STS: variants seen among roughly 807,000 people sequenced by gnomAD.
STS encodes steryl-sulfatase.
A neutral mutation model predicts 26.8 loss-of-function variants in STS; 7 were observed. That is an observed-to-expected ratio of 0.26 (90% CI 0.15 to 0.49). The LOEUF (loss-of-function observed/expected upper bound fraction) is 0.49. Among genes scored for constraint, STS ranks in the 20% least tolerant of loss-of-function variants. The probability of loss-of-function intolerance (pLI) is 0.98; values close to 1 mark genes in which losing one functional copy is unlikely to be tolerated. For missense variants in STS, 434 were observed against 465.6 expected (o/e 0.93, Z 0.63); for synonymous variants, 199 against 189.4 (o/e 1.05, Z -0.42).
At chrX:7,268,881 G>A (rs183170847) in intron 6 of STS, among the ~76,000 whole-genome samples, 7 of 110,236 alleles carry the variant, frequency 6.4e-5, no homozygotes, top group Non-Finnish European at 1.1e-4. Flanking sequence ...GGGCATGGTG[G>A]TGTGTGCCTG....
intron 2 of STS, among the ~76,000 whole-genome samples, chrX:7,194,277 G>A (rs1601642113): frequency 9.0e-6 from 1 of 111,033 alleles, no homozygotes; most frequent in Non-Finnish European, 1.9e-5. Context: ...CTGCATGGGG[G>A]TCACTGGTCC....
At chrX:7,330,904 T>C (rs1382495405) in intron 9 of STS, among the ~76,000 whole-genome samples, 1 of 112,447 alleles carries the variant, frequency 8.9e-6, no homozygotes, top group Admixed American at 9.4e-5. Context: ...TACAGATATA[T>C]GTACTTTCTC....
chrX:7,254,468 A>G (rs1363756709), intron 3 of STS, among the ~76,000 whole-genome samples: 1 of 111,027 alleles, frequency 9.0e-6, no homozygotes, highest in African/African-American at 3.3e-5. Context: ...AAATAGTTCT[A>G]TGGAGAGCTT....
intron 2 of STS, among the ~76,000 whole-genome samples, chrX:7,200,464 T>C (rs1463911469): frequency 2.7e-5 from 3 of 111,624 alleles, no homozygotes; most frequent in Non-Finnish European, 3.8e-5. Context: ...ATGTTCTCAT[T>C]TTGGGAGATA....
intron 6 of STS, among the ~76,000 whole-genome samples, chrX:7,260,083 G>C (rs1329566355): frequency 8.9e-5 from 10 of 111,880 alleles, no homozygotes. Context: ...CACCGTGTTA[G>C]CCAGGATGGT....
rs746978993 is a variant in STS at position 7,350,287 on chromosome X, A to G, written c.*26A>G. 8 of 1,197,821 alleles carry G rather than the reference A, an allele frequency of 6.7e-6. No individual in the cohort carries two copies. The highest frequency in any genetic ancestry group is 9.0e-6 in the Non-Finnish European group (8 of 889,478). ...CAGCGCCTGGGGACCAGACAGACGC[A>G]TGTGGCAAAGCTCACCATCTTCACT... On this transcript the variant is annotated 3_prime_UTR_variant, in exon 11 of 11. Coordinates refer to ENST00000674429, the MANE Select transcript of STS (RefSeq NM_001320752.2).
intron 9 of STS, among the ~76,000 whole-genome samples, chrX:7,331,328 G>A (rs1350993479): frequency 1.8e-5 from 2 of 110,919 alleles, no homozygotes; most frequent in African/African-American, 3.3e-5. Flanking sequence ...TGTTAATAGC[G>A]CTACCATCAT....
chrX:7,254,746 G>C (rs1432605721), intron 3 of STS, among the ~76,000 whole-genome samples: 1 of 108,912 alleles, frequency 9.2e-6, no homozygotes, highest in Non-Finnish European at 1.9e-5. Flanking sequence ...ACCATGCCTG[G>C]CTAATTTTTT....
intron 8 of STS, 75 bp from the exon 9 acceptor site, chrX:7,325,264 A>T: frequency 9.1e-7 from 1 of 1,100,034 alleles, no homozygotes. Context: ...ATTGAGCACG[A>T]AAGAGTCCAT....
chrX:7,315,842 A>T (rs1163132435), intron 8 of STS, among the ~76,000 whole-genome samples: 3 of 111,464 alleles, frequency 2.7e-5, no homozygotes, highest in Admixed American at 1.9e-4. Context: ...ACCCAGATTG[A>T]GGGTGGGTCT....
intron 6 of STS, among the ~76,000 whole-genome samples, chrX:7,268,581 A>G (rs1181762730): frequency 1.8e-5 from 2 of 112,686 alleles, no homozygotes; most frequent in African/African-American, 3.2e-5. Context: ...AGAGCAATAT[A>G]CAGGGACACA....
chrX:7,283,108 C>G, intron 7 of STS, among the ~76,000 whole-genome samples: 1 of 112,187 alleles, frequency 8.9e-6, no homozygotes, highest in Non-Finnish European at 1.9e-5. Flanking sequence ...TTGTATTTCC[C>G]TTGGGGTGTA....
intron 7 of STS, among the ~76,000 whole-genome samples, chrX:7,288,962 C>G (rs747137361): frequency 9.0e-6 from 1 of 111,443 alleles, no homozygotes; most frequent in African/African-American, 3.3e-5. Flanking sequence ...GCTAGATCCA[C>G]CCTTGAGTGG....
chrX:7,334,089 C>T lies in STS; in HGVS notation c.1345C>T (p.Arg449Cys). 3.3e-6 allele frequency: 4 copies of T among 1,211,349 alleles called. No homozygotes were observed. The highest frequency in any genetic ancestry group is 4.5e-6 in the Non-Finnish European group (4 of 895,289). ...HYCNAYLNAVRWHPQNSTSIW... is the reference protein window; with the variant it reads ...HYCNAYLNAVCWHPQNSTSIW... ...CTGCAACGCCTACTTAAATGCTGTG[C>T]GCTGGCACCCTCAGAACAGTGAGTA... is the stretch of plus-strand genomic sequence containing the variant. Residue 449 changes from arginine to cysteine, a missense_variant, in exon 10 of 11, where the codon CGC becomes TGC. Arg to Cys is a radical substitution (Grantham distance 180). Transcript: ENST00000674429.
chrX:7,238,296 T>G (rs1166164418), intron 2 of STS, among the ~76,000 whole-genome samples: 1 of 110,788 alleles, frequency 9.0e-6, no homozygotes, highest in Admixed American at 9.7e-5. Flanking sequence ...CCAGGTAGAT[T>G]CAGAGAAAAA....
intron 7 of STS, among the ~76,000 whole-genome samples, chrX:7,279,751 G>A (rs1329043313): frequency 9.1e-6 from 1 of 110,452 alleles, no homozygotes; most frequent in Non-Finnish European, 1.9e-5. Context: ...GGGAGAAACT[G>A]TGTGTGGGAT....
intron 6 of STS, among the ~76,000 whole-genome samples, chrX:7,261,315 G>T (rs1279223854): frequency 9.0e-6 from 1 of 111,441 alleles, no homozygotes; most frequent in African/African-American, 3.3e-5. Context: ...CCAATTAATT[G>T]CATGACACAA....
At chrX:7,203,421 G>A (rs1198836798) in intron 2 of STS, among the ~76,000 whole-genome samples, 5 of 111,920 alleles carry the variant, frequency 4.5e-5, no homozygotes, top group Admixed American at 9.5e-5. Flanking sequence ...AGCTCATTAA[G>A]CTGAAGTTCT....
At chrX:7,200,394 G>T (rs1934048151) in intron 2 of STS, among the ~76,000 whole-genome samples, 1 of 111,230 alleles carries the variant, frequency 9.0e-6, no homozygotes, top group Non-Finnish European at 1.9e-5. Flanking sequence ...ATATTATGAC[G>T]TCTCTGATGG....
Sources: gnomAD v4.1 joint callset for allele counts (sites outside exome capture counted in the v4.1 genomes callset) on GRCh38, gnomAD v4.1.1 for gene constraint, MANE v1.5 for transcripts, NCBI Gene and HGNC (gene_info 2026-07-23, HGNC 2026-07-21) for gene names.